TULP4: variants seen among roughly 807,000 people sequenced by gnomAD.
TULP4 encodes TUB like protein 4.
A neutral mutation model predicts 129.0 loss-of-function variants in TULP4; 16 were observed. The observed-to-expected ratio is 0.12, with a 90% CI of 0.08 to 0.19. TULP4 has a LOEUF of 0.19. TULP4 is among the 10% of genes least tolerant of loss of function. TULP4 has a pLI of 1.00. For missense variants in TULP4, 1,842 were observed against 2,059.1 expected, an observed-to-expected ratio of 0.89 and a Z score of 2.04; for synonymous variants, 998 against 854.0, an observed-to-expected ratio of 1.17 and a Z score of -2.94.
intron 6 of TULP4, among the ~76,000 whole-genome samples, 191 bp downstream of exon 6, chr6:158,461,920 G>A (rs1779437644): frequency 6.6e-6 from 1 of 152,180 alleles, no homozygotes; most frequent in South Asian, 2.1e-4. Flanking sequence ...CCAGTCAAAT[G>A]AGCACATAGT....
chr6:158,503,272 G>A lies in TULP4; in HGVS notation c.3609G>A (p.Val1203=), dbSNP rs1008600864. 1.2e-6 allele frequency: 2 copies of A among 1,613,934 alleles called. No homozygotes were observed. Among genetic ancestry groups the A allele is most frequent in the Non-Finnish European group, 8.5e-7 (1 of 1,180,000 alleles). Residue 1203 remains valine, a synonymous_variant, in exon 13 of 14, where the codon GTG becomes GTA. Coordinates refer to ENST00000367097, the MANE Select transcript of TULP4 (RefSeq NM_020245.5). This position sits in a 1 kb window ranked among gnomAD's most constrained non-coding sequence, Gnocchi z 4.3. ...GSYNNPPLPG[V]QAPCSPKDAL... is the part of the protein sequence containing the mutation. ...ATAACAACCCCCCTTTGCCTGGAGT[G>A]CAGGCTCCCTGCTCTCCCAAAGATG...
intron 1 of TULP4, among the ~76,000 whole-genome samples, chr6:158,335,936 A>G (rs1286817319): frequency 6.6e-6 from 1 of 152,238 alleles, no homozygotes; most frequent in Non-Finnish European, 1.5e-5. Flanking sequence ...TTGGACGTGT[A>G]TCTTCAGGGT....
chr6:158,342,506 A>C (rs556718788), intron 1 of TULP4, among the ~76,000 whole-genome samples: 1 of 152,204 alleles, frequency 6.6e-6, no homozygotes, highest in African/African-American at 2.4e-5. Flanking sequence ...TGATCCATTC[A>C]GAGATGTAAT....
intron 2 of TULP4, among the ~76,000 whole-genome samples, chr6:158,416,561 A>C (rs1778214214): frequency 6.6e-6 from 1 of 152,254 alleles, no homozygotes; most frequent in Admixed American, 6.5e-5. Context: ...AAAAGGATCA[A>C]AAAAAGTATC....
chr6:158,253,097 A>G (rs888945299), intron 1 of TULP4, among the ~76,000 whole-genome samples: 3 of 152,110 alleles, frequency 2.0e-5, no homozygotes, highest in South Asian at 2.1e-4. Flanking sequence ...CACTGCTTCT[A>G]TTTTCCATTA....
intron 9 of TULP4, among the ~76,000 whole-genome samples, chr6:158,492,216 C>T (rs1780228009): frequency 6.6e-6 from 1 of 152,162 alleles, no homozygotes; most frequent in African/African-American, 2.4e-5. Flanking sequence ...CCATATAGTC[C>T]AGCACGTGGC....
intron 1 of TULP4, among the ~76,000 whole-genome samples, chr6:158,288,869 T>C (rs923876882): frequency 2.0e-5 from 3 of 152,208 alleles, no homozygotes; most frequent in Admixed American, 2.0e-4. Context: ...CTTTACTCTT[T>C]TAGTATGATG....
intron 1 of TULP4, chr6:158,237,506 T>C: frequency 1.3e-6 from 2 of 1,553,390 alleles, no homozygotes; most frequent in African/African-American, 1.4e-5. Context: ...ACAGTTTTTC[T>C]GGCATCCAGT....
intron 1 of TULP4, among the ~76,000 whole-genome samples, chr6:158,403,216 G>C (rs1777894019): frequency 6.6e-6 from 1 of 152,170 alleles, no homozygotes; most frequent in Admixed American, 6.5e-5. Context: ...CTTGAAAGCA[G>C]GTGAGGACCC....
intron 8 of TULP4, among the ~76,000 whole-genome samples, chr6:158,483,846 C>A (rs1780003992): frequency 6.6e-6 from 1 of 151,960 alleles, no homozygotes; most frequent in Admixed American, 6.6e-5. Flanking sequence ...TTGTGATCCA[C>A]TGTCAAGTGA....
At chr6:158,500,327 G>A (rs1780416052) in intron 12 of TULP4, among the ~76,000 whole-genome samples, 2 of 152,194 alleles carry the variant, frequency 1.3e-5, no homozygotes, top group African/African-American at 4.8e-5. Flanking sequence ...GGAATCATAG[G>A]AAACCTGAGA....
chr6:158,442,647 A>T (rs752597406), intron 3 of TULP4, among the ~76,000 whole-genome samples: 1 of 152,064 alleles, frequency 6.6e-6, no homozygotes, highest in South Asian at 2.1e-4. Flanking sequence ...TCCTCATTCA[A>T]TGTATATTTA....
At chr6:158,435,046 C>T (rs571092413) in intron 3 of TULP4, among the ~76,000 whole-genome samples, 35 of 152,354 alleles carry the variant, frequency 2.3e-4, no homozygotes, top group African/African-American at 8.4e-4. Flanking sequence ...TCCCAGGCTG[C>T]GGCTTTGTCC....
chr6:158,428,393 T>G (rs1296657215), intron 2 of TULP4: 1 of 152,180 alleles, frequency 6.6e-6, no homozygotes, highest in Non-Finnish European at 1.5e-5. Context: ...TGAATGCAGA[T>G]GCAGAAAATC....
At chr6:158,470,495 C>T (rs1779654701) in intron 6 of TULP4, among the ~76,000 whole-genome samples, 2 of 152,312 alleles carry the variant, frequency 1.3e-5, no homozygotes, top group South Asian at 4.1e-4. Flanking sequence ...CTGTTTTTGC[C>T]TAATTAGCAT....
intron 3 of TULP4, among the ~76,000 whole-genome samples, chr6:158,447,058 C>T (rs1779064367): frequency 6.6e-6 from 1 of 152,162 alleles, no homozygotes; most frequent in African/African-American, 2.4e-5. Flanking sequence ...AGAAATCACA[C>T]AATCCCACAG....
At position 158,289,309 on chromosome 6, in the gene TULP4, C is replaced by T. The variant is rs185671039; in HGVS notation, n.116+6931C>T. On this transcript the variant is annotated intron_variant and non_coding_transcript_variant, in intron 1 of 1. Transcript: ENST00000432358. ...TTTGTGCTGCTCTGTCTTTATCTAT[C>T]TTGCCAGAGCTTTGTGTCTTTGATT... Among the ~76,000 whole-genome samples the T allele has an allele frequency of 6.6e-4, 100 of 152,220 alleles. 1 individual carries two copies. Among genetic ancestry groups the T allele is most frequent in the African/African-American group, 2.1e-3 (86 of 41,558 alleles).
At chr6:158,271,636 C>T (rs983233024) in intron 1 of TULP4, among the ~76,000 whole-genome samples, 10 of 151,998 alleles carry the variant, frequency 6.6e-5, no homozygotes, top group African/African-American at 2.4e-4. Flanking sequence ...CACTCTGTTC[C>T]CCAGGCTAGT....
At chr6:158,388,548 C>G (rs918563714) in intron 1 of TULP4, among the ~76,000 whole-genome samples, 2 of 150,848 alleles carry the variant, frequency 1.3e-5, no homozygotes, top group African/African-American at 4.9e-5. Context: ...CCAGGATGGT[C>G]TTGATCTCCT....
Sources: allele counts gnomAD v4.1 joint callset (sites outside exome capture counted in the v4.1 genomes callset), GRCh38; gene constraint gnomAD v4.1.1; non-coding constraint Gnocchi (gnomAD v3.1); transcripts MANE v1.5; gene names NCBI Gene and HGNC (gene_info 2026-07-23, HGNC 2026-07-21).